UBR4: variants seen among roughly 807,000 people sequenced by gnomAD.
UBR4 encodes ubiquitin protein ligase E3 component n-recognin 4.
Under a neutral mutation model 575.6 loss-of-function variants are expected in UBR4, and 124 were observed. The ratio of observed to expected loss-of-function variants is 0.22; its 90% confidence interval spans 0.19 to 0.25. The LOEUF (loss-of-function observed/expected upper bound fraction) is 0.25. UBR4 is among the 10% of genes least tolerant of loss of function. The pLI is 1.00. For missense variants in UBR4, 4,818 were observed against 6,478.8 expected (o/e 0.74, Z 8.80); for synonymous variants, 2,455 against 2,473.7 (o/e 0.99, Z 0.22).
At chr1:19,078,159 CAGT>C in intron 103 of UBR4, 93 bp from the exon 104 acceptor site, 2 of 1,330,904 alleles carry the variant, frequency 1.5e-6, no homozygotes, top group Non-Finnish European at 2.1e-6. Flanking sequence ...GGAAGAGTCA[CAGT>C]GGTGTATGCA....
chr1:19,106,979 A>G lies in UBR4; in HGVS notation c.12106-13T>C, dbSNP rs980833253. 1 of 1,611,252 alleles carries G rather than the reference A, an allele frequency of 6.2e-7. No individual in the cohort carries two copies. Among genetic ancestry groups the G allele is most frequent in the African/African-American group, 1.3e-5 (1 of 74,790 alleles). Reference sequence around the variant, plus strand: ...CAACGGGGACATCCTGGAGGAGGCAAGTGGAGCAAGGTGAGGGCGCTCAAG... The same window carrying G: ...CAACGGGGACATCCTGGAGGAGGCAGGTGGAGCAAGGTGAGGGCGCTCAAG... On this transcript the variant is annotated splice_polypyrimidine_tract_variant and intron_variant, in intron 81 of 105. Coordinates refer to ENST00000375254, the MANE Select transcript of UBR4 (RefSeq NM_020765.3).
intron 91 of UBR4, 45 bp from the exon 92 acceptor site, chr1:19,096,695 G>A (rs1262028918): frequency 6.2e-7 from 1 of 1,609,204 alleles, no homozygotes; most frequent in African/African-American, 1.3e-5. Context: ...GTAAGGTGAA[G>A]ATGGGAATAA....
chr1:19,080,724 T>G (rs1388082439), intron 103 of UBR4: 1 of 152,444 alleles, frequency 6.6e-6, no homozygotes, highest in Non-Finnish European at 1.5e-5. Context: ...CAGCAATCCA[T>G]GGGGGTCCTC....
chr1:19,129,237 C>G (rs1180404305), intron 60 of UBR4, among the ~76,000 whole-genome samples, 163 bp from the exon 61 acceptor site: 1 of 151,824 alleles, frequency 6.6e-6, no homozygotes, highest in Non-Finnish European at 1.5e-5. Flanking sequence ...ACTGCCTAAT[C>G]GGTATGCCAG....
Position 19,179,048 on chromosome 1 carries a change from T to C in UBR4, c.2354+3A>G. 4 of 1,612,744 alleles carry C rather than the reference T, an allele frequency of 2.5e-6. No individual in the cohort carries two copies. The highest frequency in any genetic ancestry group is 3.4e-6 in the Non-Finnish European group (4 of 1,179,624). On this transcript the variant is annotated splice_donor_region_variant and intron_variant, in intron 18 of 105. Coordinates refer to ENST00000375254, the MANE Select transcript of UBR4 (RefSeq NM_020765.3). ...TATAGGCCTTCTCTTACAGACATCT[T>C]ACCTGTCCCAAACTTTAAGGCATTC...
At chr1:19,198,209 G>C (rs962715398) in intron 5 of UBR4, among the ~76,000 whole-genome samples, 160 bp from the exon 6 acceptor site, 2 of 152,130 alleles carry the variant, frequency 1.3e-5, no homozygotes, top group African/African-American at 4.8e-5. Context: ...ATTTTCAGGA[G>C]GAGGGAAAAA....
intron 78 of UBR4, 134 bp downstream of exon 78, chr1:19,112,390 T>G (rs2079998178): frequency 1.9e-6 from 2 of 1,060,896 alleles, no homozygotes; most frequent in African/African-American, 1.6e-5. Flanking sequence ...TCTCTTTCCA[T>G]CTTTCCTTTG....
chr1:19,138,930 T>G (rs1182066426), intron 59 of UBR4, among the ~76,000 whole-genome samples, 153 bp downstream of exon 59: 1 of 152,084 alleles, frequency 6.6e-6, no homozygotes, highest in African/African-American at 2.4e-5. Context: ...TGAGGCCAAA[T>G]GAATTCCACA....
At chr1:19,204,205 T>C (rs769346318) in intron 1 of UBR4, among the ~76,000 whole-genome samples, 1 of 152,108 alleles carries the variant, frequency 6.6e-6, no homozygotes, top group Admixed American at 6.5e-5. Context: ...GGTTTCACCA[T>C]GTTGGTCAGG....
At position 19,128,983 on chromosome 1, in the gene UBR4, T is replaced by C. The variant is rs775845577; in HGVS notation, c.8998A>G (p.Met3000Val). The change falls in exon 61 of 106, where the codon ATG becomes GTG. Residue 3000 changes from methionine (M) to valine (V), a missense_variant. Around this residue, in one of 29 missense-constraint regions of UBR4, gnomAD observed 87 missense variants for 82.8 expected, o/e 1.05. Coordinates refer to ENST00000375254, the MANE Select transcript of UBR4 (RefSeq NM_020765.3). The part of the protein sequence containing the change: ...NVGGVRAIPY[M>V]QVILMLTTDL... ...CCAGGTGAGCTAAGAGATACCTGCA[T>C]GTATGGGATGGCCCGGACACCGCCA... 8 of 1,614,020 alleles carry C rather than the reference T, an allele frequency of 5.0e-6. No individual in the cohort carries two copies. The Admixed American group carries it at 1.3e-4, about 27-fold the overall frequency.
Position 19,150,123 on chromosome 1 carries a change from G to A in UBR4, c.7430+454C>T, listed in dbSNP as rs376926474. On this transcript the variant is annotated intron_variant, in intron 49 of 105. Coordinates refer to ENST00000375254, the MANE Select transcript of UBR4 (RefSeq NM_020765.3). ...GAGACTTAAGGAAACTCTAGACTCT[G>A]CTACAAGAGGCAGCAGACAGCCTCT... is the stretch of plus-strand genomic sequence containing the variant. Among the ~76,000 whole-genome samples, 11 of 152,320 alleles carry A rather than the reference G, an allele frequency of 7.2e-5. 1 individual carries two copies. In the East Asian group the frequency reaches 1.9e-3, roughly 27 times the overall value.
rs757264090 is a variant in UBR4, at chr1:19,138,180, T to C, written c.8733A>G (p.Val2911=). 1.4e-5 allele frequency: 21 copies of C among 1,500,412 alleles called. No homozygotes were observed. The highest frequency in any genetic ancestry group is 1.8e-5 in the Non-Finnish European group (20 of 1,114,590). The allele number at this position is 1,500,412 out of a possible 1,614,324, so 92.9% of individuals were successfully genotyped here. ...CGCCATAAGCACTGCTCCGGCCAGA[T>C]ACTAGAGGGAAATGGTTTAAAAAGC... ...AVDSVAGEHS[V]SGRSSAYGDA... Residue 2911 remains valine, a splice_region_variant and synonymous_variant, in exon 60 of 106, where the codon GTA becomes GTG. Coordinates refer to ENST00000375254, the MANE Select transcript of UBR4 (RefSeq NM_020765.3).
chr1:19,086,785 G>A lies in UBR4; in HGVS notation c.14581C>T (p.Arg4861Trp), dbSNP rs186983201. The A allele has an allele frequency of 2.2e-5, 36 of 1,614,214 alleles. No individual in the cohort carries two copies. Among genetic ancestry groups the A allele is most frequent in the Admixed American group, 1.5e-4 (9 of 60,022 alleles). Residue 4861 changes from arginine (R) to tryptophan (W), a missense_variant, in exon 100 of 106, where the codon CGG becomes TGG. Physicochemically the swap from Arg to Trp is moderately radical, Grantham distance 101. This residue lies in a region of UBR4 where 196 missense variants were observed against 386.8 expected (regional missense o/e 0.51). Coordinates refer to ENST00000375254, the MANE Select transcript of UBR4 (RefSeq NM_020765.3). Reference sequence around the variant, plus strand: ...TTCTCCATCTCCTCCAAGGCTACCCGCTTCGTGAAGGTATAAATGCCCAGG... The same window carrying A: ...TTCTCCATCTCCTCCAAGGCTACCCACTTCGTGAAGGTATAAATGCCCAGG... ...KVLGIYTFTK[R>W]VALEEMENKP...
intron 89 of UBR4, chr1:19,099,983 T>C (rs577541174): frequency 8.9e-5 from 39 of 437,662 alleles, no homozygotes; most frequent in Middle Eastern, 1.3e-3. Flanking sequence ...TGTCAGACCC[T>C]CAACGGTCTG....
rs769156844 is a variant in UBR4, at chr1:19,117,805, T to A, written c.10629+18A>T. 5.6e-6 allele frequency: 9 copies of A among 1,612,518 alleles called. No individual in the cohort carries two copies. Among genetic ancestry groups the A allele is most frequent in the Non-Finnish European group, 4.2e-6 (5 of 1,178,542 alleles). Reference sequence around the variant, plus strand: ...GACCTATTGGCCTCAGGACTGTCCATGTACAGATGTTACTTACACAGAACG... The same window carrying A: ...GACCTATTGGCCTCAGGACTGTCCAAGTACAGATGTTACTTACACAGAACG... On this transcript the variant is annotated intron_variant, in intron 72 of 105. Coordinates refer to ENST00000375254, the MANE Select transcript of UBR4 (RefSeq NM_020765.3). The surrounding 1 kb of genome is among the most constrained non-coding windows in gnomAD (Gnocchi z 4.0).
intron 60 of UBR4, among the ~76,000 whole-genome samples, chr1:19,137,651 G>A (rs941324540): frequency 2.7e-4 from 41 of 152,114 alleles, no homozygotes; most frequent in African/African-American, 8.7e-4. Context: ...AGCCTCCAGC[G>A]GTGCCATTTG....
chr1:19,084,315 T>C (rs547559085), intron 102 of UBR4, among the ~76,000 whole-genome samples, 189 bp downstream of exon 102: 8 of 152,346 alleles, frequency 5.3e-5, no homozygotes, highest in Admixed American at 3.3e-4. Context: ...GGAAGTTCCC[T>C]TTATTGCTTT....
At chr1:19,112,218 T>C in intron 78 of UBR4, 1 of 334,012 alleles carries the variant, frequency 3.0e-6, no homozygotes, top group Admixed American at 4.6e-5. Context: ...TTCATGTGAG[T>C]CTTTCTCGAG....
At chr1:19,185,583 T>C (rs1181001314) in intron 14 of UBR4, among the ~76,000 whole-genome samples, 3 of 150,164 alleles carry the variant, frequency 2.0e-5, no homozygotes, top group African/African-American at 7.3e-5. Flanking sequence ...CTTTTTTTTT[T>C]TTTTTTTTGA....
Sources: allele counts gnomAD v4.1 joint callset (sites outside exome capture counted in the v4.1 genomes callset), GRCh38; gene constraint gnomAD v4.1.1; regional missense constraint gnomAD v4.1.1; non-coding constraint Gnocchi (gnomAD v3.1); transcripts MANE v1.5; gene names NCBI Gene and HGNC (gene_info 2026-07-23, HGNC 2026-07-21).